Variants in MIB1 observed in about 807,000 individuals in gnomAD.
The protein encoded by MIB1 is MIB E3 ubiquitin protein ligase 1.
MIB1 carries 278 observed loss-of-function variants against 124.5 expected under a neutral mutation model. That is an observed-to-expected ratio of 2.23 (90% CI 2.02 to 2.47). The LOEUF is 2.47. MIB1 is among the 30% of genes most tolerant of loss of function. The probability of loss-of-function intolerance (pLI) is 0.00; values close to 1 mark genes in which losing one functional copy is unlikely to be tolerated. For synonymous variants in MIB1, 446 were observed against 429.4 expected (o/e 1.04, Z -0.48); for missense variants, 957 against 1,254.4 (o/e 0.76, Z 3.58).
At chr18:21,796,342 A>G (rs990194969) in intron 7 of MIB1, among the ~76,000 whole-genome samples, 1 of 151,658 alleles carries the variant, frequency 6.6e-6, no homozygotes, top group Non-Finnish European at 1.5e-5. Context: ...GAGTTGAGCA[A>G]TGAGAACATG....
At chr18:21,799,584 A>G (rs533083462) in intron 8 of MIB1, among the ~76,000 whole-genome samples, 2 of 152,154 alleles carry the variant, frequency 1.3e-5, no homozygotes, top group East Asian at 3.9e-4. Flanking sequence ...TTGAATTATT[A>G]TTAGTATATA....
At chr18:21,745,991 C>A (rs534551387) in intron 1 of MIB1, among the ~76,000 whole-genome samples, 1 of 152,202 alleles carries the variant, frequency 6.6e-6, no homozygotes, top group East Asian at 1.9e-4. Flanking sequence ...CAAGTGTGAG[C>A]CACCACACCC....
intron 3 of MIB1, among the ~76,000 whole-genome samples, chr18:21,771,547 G>C (rs987824171): frequency 6.6e-6 from 1 of 152,096 alleles, no homozygotes; most frequent in Non-Finnish European, 1.5e-5. Context: ...GTGGTTAGTT[G>C]AGCAGGAATC....
At chr18:21,819,929 G>T (rs1257593081) in intron 12 of MIB1, among the ~76,000 whole-genome samples, 1 of 152,016 alleles carries the variant, frequency 6.6e-6, no homozygotes, top group East Asian at 1.9e-4. Context: ...ATTTTATTTT[G>T]AGATTTATGT....
At chr18:21,790,182 C>T (rs1396237615) in intron 6 of MIB1, among the ~76,000 whole-genome samples, 1 of 152,162 alleles carries the variant, frequency 6.6e-6, no homozygotes, top group Non-Finnish European at 1.5e-5. Flanking sequence ...ATGGTACACT[C>T]ATTGTACAGC....
rs1457398071 is a variant in MIB1 at position 21,866,436 on chromosome 18, G to C, written c.*1770G>C. The C allele has an allele frequency of 6.6e-6, 1 of 152,164 alleles. No homozygotes were observed. Among genetic ancestry groups the C allele is most frequent in the Non-Finnish European group, 1.5e-5 (1 of 68,030 alleles). The allele number at this position is 152,164 out of a possible 1,614,324, so 9.4% of individuals were successfully genotyped here. The stretch of plus-strand genomic sequence containing the variant: ...TAAAACTATTTTGAAGTTATAAAAA[G>C]GTAGAACATCTGACTGATGATGTTC... On this transcript the variant is annotated 3_prime_UTR_variant, in exon 21 of 21. Transcript: ENST00000261537.
intron 1 of MIB1, among the ~76,000 whole-genome samples, chr18:21,748,033 A>G (rs1284820447): frequency 6.6e-6 from 1 of 152,246 alleles, no homozygotes; most frequent in East Asian, 1.9e-4. Flanking sequence ...ATCAGAGATT[A>G]GATAGATATT....
At chr18:21,794,320 C>CA (rs2041548871) in intron 7 of MIB1, among the ~76,000 whole-genome samples, 1 of 151,900 alleles carries the variant, frequency 6.6e-6, no homozygotes, top group African/African-American at 2.4e-5. Flanking sequence ...GGAAGGAACA[C>CA]AGAGCAGAGC....
intron 1 of MIB1, among the ~76,000 whole-genome samples, chr18:21,764,381 A>G (rs2041132233): frequency 6.6e-6 from 1 of 152,286 alleles, no homozygotes; most frequent in East Asian, 1.9e-4. Context: ...TAGAAAATGA[A>G]TAACATAGGG....
At chr18:21,778,062 G>T (rs757662902) in intron 4 of MIB1, 41 bp from the exon 5 acceptor site, 1 of 1,409,116 alleles carries the variant, frequency 7.1e-7, no homozygotes, top group Non-Finnish European at 1.0e-6. Context: ...AGCCATATTT[G>T]AAGTTTCATG....
chr18:21,861,364 A>G (rs191337075), intron 20 of MIB1, among the ~76,000 whole-genome samples: 167 of 152,192 alleles, frequency 1.1e-3, no homozygotes, highest in South Asian at 5.0e-3. Flanking sequence ...AGACATCTAC[A>G]GAATAAGCTG....
intron 1 of MIB1, among the ~76,000 whole-genome samples, chr18:21,708,456 C>G (rs1184906102): frequency 6.6e-6 from 1 of 152,064 alleles, no homozygotes; most frequent in African/African-American, 2.4e-5. Flanking sequence ...GAGTTCGAGA[C>G]CAGCTTGACC....
chr18:21,790,857 A>G (rs1347507558), intron 6 of MIB1, among the ~76,000 whole-genome samples: 1 of 152,240 alleles, frequency 6.6e-6, no homozygotes, highest in Non-Finnish European at 1.5e-5. Flanking sequence ...TTACACTTGT[A>G]TTAAGGTGGT....
chr18:21,810,985 TGATAA>T (rs1477233354), intron 10 of MIB1, among the ~76,000 whole-genome samples: 1 of 152,118 alleles, frequency 6.6e-6, no homozygotes, highest in Non-Finnish European at 1.5e-5. Flanking sequence ...ATCATGTATC[TGATAA>T]GATATTAAAA....
At chr18:21,729,123 C>T (rs1052330073) in intron 1 of MIB1, among the ~76,000 whole-genome samples, 18 of 152,192 alleles carry the variant, frequency 1.2e-4, no homozygotes, top group African/African-American at 4.1e-4. Flanking sequence ...TCAGACAGCC[C>T]ACTCAATGAC....
At chr18:21,728,739 G>A (rs2040754342) in intron 1 of MIB1, among the ~76,000 whole-genome samples, 1 of 152,156 alleles carries the variant, frequency 6.6e-6, no homozygotes, top group African/African-American at 2.4e-5. Context: ...TAAACAATGT[G>A]TAATTATCAA....
chr18:21,732,654 C>A (rs2146365183), intron 1 of MIB1, among the ~76,000 whole-genome samples: 2 of 152,210 alleles, frequency 1.3e-5, no homozygotes, highest in Admixed American at 1.3e-4. Flanking sequence ...CCACCTTGGC[C>A]TCCCAAAGTG....
chr18:21,831,322 C>T (rs1243512383), intron 12 of MIB1: 1 of 144,344 alleles, frequency 6.9e-6, no homozygotes, highest in African/African-American at 2.6e-5. Flanking sequence ...GTGAAGCTAC[C>T]TTGTCACATC....
intron 1 of MIB1, among the ~76,000 whole-genome samples, chr18:21,760,855 T>A (rs529449742): frequency 9.2e-5 from 14 of 152,394 alleles, no homozygotes; most frequent in African/African-American, 3.4e-4. Flanking sequence ...TAATTCAGGA[T>A]AAACTTCTAA....
Sources: gnomAD v4.1 joint callset for allele counts (sites outside exome capture counted in the v4.1 genomes callset) on GRCh38, gnomAD v4.1.1 for gene constraint, MANE v1.5 for transcripts, NCBI Gene and HGNC (gene_info 2026-07-23, HGNC 2026-07-21) for gene names.